The following DDX10 variants were observed in gnomAD, a reference collection of about 807,000 sequenced individuals.
DDX10 encodes DEAD-box helicase 10.
A neutral mutation model predicts 104.3 loss-of-function variants in DDX10; 74 were observed. The observed-to-expected ratio is 0.71, with a 90% CI of 0.59 to 0.86. The LOEUF (loss-of-function observed/expected upper bound fraction) is 0.86, where lower values mean the gene tolerates loss of function less well. Ranked by LOEUF, DDX10 falls within the 40% of genes least tolerant of loss-of-function variation. DDX10 has a pLI of 0.00. For synonymous variants in DDX10, 351 were observed against 353.4 expected (o/e 0.99, Z 0.08); for missense variants, 952 against 1,040.0 (o/e 0.92, Z 1.16).
intron 13 of DDX10, among the ~76,000 whole-genome samples, chr11:108,807,902 A>G (rs1347815870): frequency 6.6e-6 from 1 of 152,226 alleles, no homozygotes; most frequent in Non-Finnish European, 1.5e-5. Context: ...AGATGGATCC[A>G]TAGTTACTGG....
intron 13 of DDX10, among the ~76,000 whole-genome samples, chr11:108,812,205 ATAAC>A (rs914147252): frequency 2.0e-4 from 30 of 152,334 alleles, no homozygotes; most frequent in Admixed American, 1.2e-3. Flanking sequence ...AACAAAATCA[ATAAC>A]TAAGACATTT....
At chr11:108,905,878 A>G (rs1035724) in intron 16 of DDX10, among the ~76,000 whole-genome samples, 22,945 of 152,154 alleles carry the variant, frequency 0.15, 2,123 homozygotes, top group East Asian at 0.28. Context: ...CAGAAGTAAG[A>G]GAAGTGGGGT....
At chr11:108,904,882 TTC>T (rs1310155795) in intron 16 of DDX10, among the ~76,000 whole-genome samples, 2 of 152,234 alleles carry the variant, frequency 1.3e-5, no homozygotes, top group Non-Finnish European at 2.9e-5. Flanking sequence ...TGTGCTTTTA[TTC>T]TGTTTTTCTG....
intron 13 of DDX10, among the ~76,000 whole-genome samples, chr11:108,819,469 C>T (rs1201930446): frequency 6.6e-6 from 1 of 152,132 alleles, no homozygotes; most frequent in Non-Finnish European, 1.5e-5. Context: ...AAAGTAAAAA[C>T]AGTTTTCCGT....
intron 17 of DDX10, chr11:108,929,797 G>A (rs900495654): frequency 6.6e-6 from 1 of 152,162 alleles, no homozygotes; most frequent in African/African-American, 2.4e-5. Flanking sequence ...ATTTAATTAA[G>A]TTATAATGTA....
At chr11:108,761,818 A>G (rs1308498883) in intron 13 of DDX10, among the ~76,000 whole-genome samples, 1 of 152,104 alleles carries the variant, frequency 6.6e-6, no homozygotes, top group Admixed American at 6.6e-5. Context: ...CTGTATACTC[A>G]ATTTCCTGTA....
intron 13 of DDX10, among the ~76,000 whole-genome samples, chr11:108,739,583 G>A (rs2094322621): frequency 6.6e-6 from 1 of 152,210 alleles, no homozygotes; most frequent in South Asian, 2.1e-4. Flanking sequence ...TGAGTGTAAT[G>A]AGTGAATAAA....
intron 16 of DDX10, among the ~76,000 whole-genome samples, chr11:108,891,442 A>C (rs957287058): frequency 7.2e-5 from 11 of 152,292 alleles, no homozygotes; most frequent in Admixed American, 7.2e-4. Context: ...TGACTCTTAC[A>C]TGTGCAGAAA....
At chr11:108,891,477 C>G (rs776981220) in intron 16 of DDX10, among the ~76,000 whole-genome samples, 15 of 152,190 alleles carry the variant, frequency 9.9e-5, no homozygotes, top group Admixed American at 6.5e-4. Flanking sequence ...ACAACACATT[C>G]TTTCAATAAT....
intron 16 of DDX10, among the ~76,000 whole-genome samples, chr11:108,855,854 T>A (rs762180302): frequency 1.3e-5 from 2 of 152,226 alleles, no homozygotes; most frequent in African/African-American, 2.4e-5. Context: ...ACACTTAAAA[T>A]AGTTAAAAGT....
chr11:108,776,387 A>G (rs1305090191), intron 13 of DDX10, among the ~76,000 whole-genome samples: 1 of 151,968 alleles, frequency 6.6e-6, no homozygotes, highest in African/African-American at 2.4e-5. Context: ...CTGTTTTGGG[A>G]TTCTTAATTT....
At chr11:108,750,372 T>C (rs1037319088) in intron 13 of DDX10, among the ~76,000 whole-genome samples, 6 of 152,194 alleles carry the variant, frequency 3.9e-5, no homozygotes, top group Non-Finnish European at 7.4e-5. Flanking sequence ...TTGCCAAATG[T>C]CATAATAGGA....
At chr11:108,698,181 T>C (rs1288360285) in intron 9 of DDX10, among the ~76,000 whole-genome samples, 1 of 152,220 alleles carries the variant, frequency 6.6e-6, no homozygotes, top group Non-Finnish European at 1.5e-5. Context: ...TGGCTGGTTG[T>C]GGGAGAATAC....
At chr11:108,718,751 G>A (rs1055814663) in intron 11 of DDX10, among the ~76,000 whole-genome samples, 1 of 152,224 alleles carries the variant, frequency 6.6e-6, no homozygotes, top group African/African-American at 2.4e-5. Flanking sequence ...TTTCATAGAA[G>A]TGATTTTCTA....
chr11:108,924,050 T>C (rs865943233), intron 17 of DDX10, among the ~76,000 whole-genome samples: 4 of 152,246 alleles, frequency 2.6e-5, no homozygotes, highest in South Asian at 2.1e-4. Context: ...TTATCATGTT[T>C]GGTTTTTGGC....
chr11:108,830,020 A>T (rs1862447340), intron 13 of DDX10, among the ~76,000 whole-genome samples: 1 of 151,982 alleles, frequency 6.6e-6, no homozygotes, highest in Admixed American at 6.6e-5. Context: ...TGTTCTTTTT[A>T]CTTAGTCTTG....
chr11:108,693,828 T>C (rs530780876), intron 9 of DDX10, among the ~76,000 whole-genome samples: 47 of 152,362 alleles, frequency 3.1e-4, no homozygotes, highest in Non-Finnish European at 5.6e-4. Context: ...TGTACTTTAC[T>C]TTTCAGCAAA....
At chr11:108,775,405 C>T (rs2094368613) in intron 13 of DDX10, among the ~76,000 whole-genome samples, 1 of 152,138 alleles carries the variant, frequency 6.6e-6, no homozygotes, top group Non-Finnish European at 1.5e-5. Context: ...ATATACCCGT[C>T]TGTTCAATTT....
intron 13 of DDX10, among the ~76,000 whole-genome samples, chr11:108,724,028 T>A (rs2094302152): frequency 1.3e-5 from 2 of 152,098 alleles, no homozygotes; most frequent in Non-Finnish European, 2.9e-5. Context: ...AAATAATCCA[T>A]TTAGATAAAG....
Sources: gnomAD v4.1 joint callset for allele counts (sites outside exome capture counted in the v4.1 genomes callset) on GRCh38, gnomAD v4.1.1 for gene constraint, MANE v1.5 for transcripts, NCBI Gene and HGNC (gene_info 2026-07-23, HGNC 2026-07-21) for gene names.